The following TANGO2 variants were observed in gnomAD, a reference collection of about 807,000 sequenced individuals.
TANGO2 encodes transport and golgi organization 2 homolog, also known as transport and Golgi organization protein 2 homolog.
A neutral mutation model predicts 39.1 loss-of-function variants in TANGO2; 26 were observed. The ratio of observed to expected loss-of-function variants is 0.67; its 90% confidence interval spans 0.49 to 0.92. TANGO2 has a LOEUF of 0.92. Among genes scored for constraint, TANGO2 ranks in the 40% least tolerant of loss-of-function variants. TANGO2 has a pLI of 0.00. For synonymous variants in TANGO2, 131 were observed against 144.5 expected (o/e 0.91, Z 0.67); for missense variants, 326 against 360.1 (o/e 0.91, Z 0.77).
intron 6 of TANGO2, 45 bp from the exon 7 acceptor site, chr22:20,061,485 T>C: frequency 6.4e-7 from 1 of 1,551,718 alleles, no homozygotes; most frequent in Non-Finnish European, 8.7e-7. Context: ...TGCCCTGACA[T>C]GGCACAGCAG....
intron 2 of TANGO2, among the ~76,000 whole-genome samples, chr22:20,040,913 T>G (rs1277481994): frequency 6.6e-6 from 1 of 152,190 alleles, no homozygotes; most frequent in Non-Finnish European, 1.5e-5. Context: ...TGAGACCTGG[T>G]GCAGCCCTGG....
intron 6 of TANGO2, among the ~76,000 whole-genome samples, chr22:20,060,119 GC>G (rs2048089673): frequency 6.6e-6 from 1 of 152,034 alleles, no homozygotes; most frequent in Non-Finnish European, 1.5e-5. Context: ...GGAGGCCAAG[GC>G]GGGTGGATCA....
Position 20,063,462 on chromosome 22 carries a change from G to A in TANGO2, c.710+20G>A, listed in dbSNP as rs776287227. The stretch of plus-strand genomic sequence containing the variant: ...CACCAGGTATTGCAGCACCGTGGGT[G>A]CGCCACCTCCTATCCCATGTCCCAC... On this transcript the variant is annotated intron_variant, in intron 8 of 8. Transcript: ENST00000327374. 7.5e-6 allele frequency: 12 copies of A among 1,602,220 alleles called. No individual in the cohort carries two copies. Among genetic ancestry groups the A allele is most frequent in the African/African-American group, 2.7e-5 (2 of 74,684 alleles).
At chr22:20,038,684 G>C (rs62222175) in intron 2 of TANGO2, among the ~76,000 whole-genome samples, 1 of 152,136 alleles carries the variant, frequency 6.6e-6, no homozygotes, top group South Asian at 2.1e-4. Flanking sequence ...GCAAATGTGC[G>C]CTGTGTTTTC....
intron 3 of TANGO2, 58 bp from the exon 4 acceptor site, chr22:20,052,407 C>T: frequency 1.3e-6 from 2 of 1,553,802 alleles, no homozygotes; most frequent in Non-Finnish European, 1.7e-6. Flanking sequence ...GGGCTGGGAA[C>T]CAGGTGGGGG....
At chr22:20,017,979 A>T (rs892427998), upstream of TANGO2, among the ~76,000 whole-genome samples, 37 of 152,182 alleles carry the variant, frequency 2.4e-4, no homozygotes, top group African/African-American at 8.7e-4. Context: ...TGGGGAACCA[A>T]ACTGCCCACA....
At chr22:20,023,007 C>T (rs1297868582) in intron 1 of TANGO2, among the ~76,000 whole-genome samples, 5 of 152,242 alleles carry the variant, frequency 3.3e-5, no homozygotes, top group Non-Finnish European at 7.3e-5. Context: ...CCTATCCCTA[C>T]CATGAGGATG....
rs779649627 is a variant in TANGO2, at chr22:20,064,595, G to A, written c.764G>A (p.Arg255His). The A allele has an allele frequency of 1.8e-5, 29 of 1,614,078 alleles. No homozygotes were observed. Among genetic ancestry groups the A allele is most frequent in the Middle Eastern group, 1.6e-4 (1 of 6,084 alleles). Reference protein sequence around the residue: ...DADGHVTFTERSMMDKDLSHW... With the variant: ...DADGHVTFTEHSMMDKDLSHW... ...GACGGCCACGTGACCTTCACTGAGCGTAGCATGATGGACAAGGACCTCTCC... is the reference window on the plus strand; with the variant it reads ...GACGGCCACGTGACCTTCACTGAGCATAGCATGATGGACAAGGACCTCTCC... The change falls in exon 9 of 9, where the codon CGT (arginine) becomes CAT (histidine). Residue 255 changes from arginine (R) to histidine (H), a missense_variant. Physicochemically the swap from Arg to His is conservative, Grantham distance 29. Transcript: ENST00000327374.
chr22:20,017,700 C>T (rs1945296878), upstream of TANGO2, among the ~76,000 whole-genome samples: 1 of 152,366 alleles, frequency 6.6e-6, no homozygotes, highest in South Asian at 2.1e-4. Context: ...CGGTGCTTCA[C>T]TGCCTGTTGA....
intron 2 of TANGO2, among the ~76,000 whole-genome samples, chr22:20,039,094 C>T (rs575779615): frequency 4.6e-5 from 6 of 130,870 alleles, no homozygotes; most frequent in East Asian, 3.4e-4. Flanking sequence ...ACACCATGCC[C>T]GGCTAATTTT....
At chr22:20,018,259 G>A (rs946618314), upstream of TANGO2, among the ~76,000 whole-genome samples, 3 of 152,244 alleles carry the variant, frequency 2.0e-5, no homozygotes, top group Non-Finnish European at 4.4e-5. Context: ...CCTGGCATAG[G>A]GTTGTTGCTT....
intron 3 of TANGO2, among the ~76,000 whole-genome samples, chr22:20,051,238 A>G (rs1413355713): frequency 6.6e-6 from 1 of 151,906 alleles, no homozygotes; most frequent in African/African-American, 2.4e-5. Flanking sequence ...TGTTATAAAA[A>G]TAATATCTTA....
chr22:20,052,513 G>A lies in TANGO2; in HGVS notation c.194G>A (p.Ser65Asn). 1 of 1,606,736 alleles carries A rather than the reference G, an allele frequency of 6.2e-7. No homozygotes were observed. Among genetic ancestry groups the A allele is most frequent in the Non-Finnish European group, 8.5e-7 (1 of 1,176,818 alleles). ...GAAGGAGGCACATGGCTGGGCATCA[G>A]CACACGTGGCAAGCTGGCAGCACTC... Reference protein sequence around the residue: ...GKEGGTWLGISTRGKLAALTN... With the variant: ...GKEGGTWLGINTRGKLAALTN... The change falls in exon 4 of 9, where the codon AGC becomes AAC. Residue 65 changes from serine to asparagine, a missense_variant. Physicochemically the swap from Ser to Asn is conservative, Grantham distance 46. Transcript: ENST00000327374.
At chr22:20,047,995 G>C (rs915248267) in intron 3 of TANGO2, 3 of 151,800 alleles carry the variant, frequency 2.0e-5, no homozygotes, top group Non-Finnish European at 4.4e-5. Flanking sequence ...TGCGATCTCG[G>C]CTCACTGCAA....
chr22:20,018,249 C>T (rs1049379831), upstream of TANGO2, among the ~76,000 whole-genome samples: 1 of 152,246 alleles, frequency 6.6e-6, no homozygotes, highest in Non-Finnish European at 1.5e-5. Flanking sequence ...CAATTGGCCT[C>T]CTGGCATAGG....
upstream of TANGO2, among the ~76,000 whole-genome samples, chr22:20,018,441 C>T (rs1945355586): frequency 6.6e-6 from 1 of 152,222 alleles, no homozygotes. Flanking sequence ...CAGCTGTCCC[C>T]AGCCATCTCT....
chr22:20,029,752 C>CA (rs1286978595), intron 1 of TANGO2, among the ~76,000 whole-genome samples: 1 of 152,168 alleles, frequency 6.6e-6, no homozygotes, highest in Non-Finnish European at 1.5e-5. Flanking sequence ...AAGACCACAC[C>CA]AAAGTCCCAA....
At chr22:20,020,415 A>T (rs1441049831), upstream of TANGO2, among the ~76,000 whole-genome samples, 1 of 151,826 alleles carries the variant, frequency 6.6e-6, no homozygotes, top group Non-Finnish European at 1.5e-5. Flanking sequence ...GGAGGGCCCC[A>T]GTCAGTGCCC....
chr22:20,039,864 G>A (rs191790756), intron 2 of TANGO2, among the ~76,000 whole-genome samples: 91 of 132,370 alleles, frequency 6.9e-4, no homozygotes, highest in African/African-American at 2.4e-3. Context: ...CTCACCCCCC[G>A]AGATGATGCA....
Sources: gnomAD v4.1 joint callset for allele counts (sites outside exome capture counted in the v4.1 genomes callset) on GRCh38, gnomAD v4.1.1 for gene constraint, MANE v1.5 for transcripts, NCBI Gene and HGNC (gene_info 2026-07-23, HGNC 2026-07-21) for gene names.